The following PEAK1 variants were observed in gnomAD, a reference collection of about 807,000 sequenced individuals.
PEAK1 encodes pseudopodium enriched atypical kinase 1, also known as inactive tyrosine-protein kinase PEAK1.
A neutral mutation model predicts 124.7 loss-of-function variants in PEAK1; 54 were observed. That is an observed-to-expected ratio of 0.43 (90% CI 0.35 to 0.54). PEAK1 has a LOEUF of 0.54. PEAK1 is among the 20% of genes least tolerant of loss of function. The pLI is 0.01. For synonymous variants in PEAK1, 719 were observed against 760.0 expected (o/e 0.95, Z 0.89); for missense variants, 2,046 against 2,134.5 (o/e 0.96, Z 0.82).
intron 5 of PEAK1, among the ~76,000 whole-genome samples, chr15:77,264,322 T>C (rs1234887200): frequency 2.0e-5 from 3 of 152,160 alleles, no homozygotes; most frequent in African/African-American, 7.2e-5. Context: ...ATTGTCCCTG[T>C]TTGCAGATGA....
intron 1 of PEAK1, chr15:77,401,514 C>A: frequency 2.1e-6 from 2 of 971,012 alleles, no homozygotes; most frequent in Non-Finnish European, 2.4e-6. Context: ...ATAAGAAGAA[C>A]AATACTCACC....
At chr15:77,333,353 C>T in intron 2 of PEAK1, 1 of 983,438 alleles carries the variant, frequency 1.0e-6, no homozygotes, top group Non-Finnish European at 1.2e-6. Context: ...ATACAACCAA[C>T]ATGCTATCAA....
intron 2 of PEAK1, among the ~76,000 whole-genome samples, chr15:77,353,402 A>G (rs181379847): frequency 6.6e-6 from 1 of 152,326 alleles, no homozygotes; most frequent in Admixed American, 6.5e-5. Context: ...TGCTGACATA[A>G]CAAAAACCTA....
intron 2 of PEAK1, chr15:77,348,424 C>T (rs1386682474): frequency 1.1e-6 from 1 of 926,146 alleles, no homozygotes; most frequent in Non-Finnish European, 1.3e-6. Context: ...CTTTAAAAAA[C>T]AGCTGATTTT....
At chr15:77,366,920 G>A (rs2068284735) in intron 1 of PEAK1, among the ~76,000 whole-genome samples, 1 of 152,142 alleles carries the variant, frequency 6.6e-6, no homozygotes, top group African/African-American at 2.4e-5. Context: ...TGGATCATGA[G>A]GTCAGGAGAT....
At chr15:77,251,998 T>C (rs1453947082) in intron 6 of PEAK1, among the ~76,000 whole-genome samples, 1 of 152,244 alleles carries the variant, frequency 6.6e-6, no homozygotes, top group Admixed American at 6.5e-5. Flanking sequence ...GCCTGTTCAG[T>C]AAAGCTGTTT....
chr15:77,375,762 G>A (rs990105530), intron 1 of PEAK1, among the ~76,000 whole-genome samples: 4 of 152,138 alleles, frequency 2.6e-5, no homozygotes, highest in Non-Finnish European at 4.4e-5. Flanking sequence ...TTGGGAGGCC[G>A]AGGCGGGTGG....
chr15:77,419,631 A>C, intron 1 of PEAK1: 2 of 984,904 alleles, frequency 2.0e-6, no homozygotes, highest in Non-Finnish European at 2.4e-6. Context: ...CAGCTCCTCC[A>C]GGCTTCACTT....
chr15:77,141,739 T>C (rs906442984), intron 8 of PEAK1, among the ~76,000 whole-genome samples: 2 of 152,208 alleles, frequency 1.3e-5, no homozygotes, highest in Non-Finnish European at 2.9e-5. Flanking sequence ...TAAGGCCAAC[T>C]GATTTTTGAC....
intron 2 of PEAK1, among the ~76,000 whole-genome samples, chr15:77,288,442 C>T (rs766713128): frequency 6.6e-6 from 1 of 152,324 alleles, no homozygotes; most frequent in Admixed American, 6.5e-5. Context: ...ACCAAGCTCA[C>T]ATATCATTGC....
chr15:77,196,893 A>G (rs2058130789), intron 6 of PEAK1, among the ~76,000 whole-genome samples: 1 of 152,190 alleles, frequency 6.6e-6, no homozygotes, highest in South Asian at 2.1e-4. Flanking sequence ...TCTGTCACTC[A>G]GGCTGGAGTG....
intron 2 of PEAK1, among the ~76,000 whole-genome samples, chr15:77,294,384 G>T (rs78199111): frequency 2.0e-5 from 3 of 152,132 alleles, no homozygotes; most frequent in African/African-American, 7.2e-5. Flanking sequence ...TTGTATAGCA[G>T]TTTGACATCT....
chr15:77,378,192 A>ATATATATATATATATATATATATAT (rs2069186124), intron 1 of PEAK1, among the ~76,000 whole-genome samples: 1 of 129,108 alleles, frequency 7.7e-6, no homozygotes, highest in Non-Finnish European at 1.8e-5. Context: ...ACAATATTAT[A>ATATATATATATATATATATATATAT]TATATATATA....
At chr15:77,313,197 T>C (rs772985706) in intron 2 of PEAK1, among the ~76,000 whole-genome samples, 1 of 152,122 alleles carries the variant, frequency 6.6e-6, no homozygotes, top group Non-Finnish European at 1.5e-5. Context: ...ATATGGTTGA[T>C]ATGGGTATGT....
At chr15:77,385,167 C>T (rs2069821040) in intron 1 of PEAK1, among the ~76,000 whole-genome samples, 1 of 152,124 alleles carries the variant, frequency 6.6e-6, no homozygotes, top group Non-Finnish European at 1.5e-5. Flanking sequence ...ACACTAATTA[C>T]TATTACTCAG....
At chr15:77,144,341 T>C (rs1479581611) in intron 8 of PEAK1, among the ~76,000 whole-genome samples, 1 of 152,232 alleles carries the variant, frequency 6.6e-6, no homozygotes, top group Non-Finnish European at 1.5e-5. Context: ...CTAGCTCAAA[T>C]GGCACTTACC....
intron 2 of PEAK1, chr15:77,348,823 G>A (rs930230879): frequency 1.1e-5 from 8 of 735,850 alleles, no homozygotes; most frequent in Non-Finnish European, 1.3e-5. Context: ...GCAGGTGGGG[G>A]TAGAGTGGGG....
chr15:77,212,083 T>C (rs1222226453), intron 6 of PEAK1, among the ~76,000 whole-genome samples: 1 of 152,146 alleles, frequency 6.6e-6, no homozygotes, highest in African/African-American at 2.4e-5. Flanking sequence ...TATGAAGATG[T>C]TCTAGAAACT....
At chr15:77,175,930 A>T (rs1596472479) in intron 7 of PEAK1, among the ~76,000 whole-genome samples, 1 of 152,212 alleles carries the variant, frequency 6.6e-6, no homozygotes, top group Non-Finnish European at 1.5e-5. Flanking sequence ...GCCATAAAAA[A>T]TGATGAGTTC....
Sources: allele counts gnomAD v4.1 joint callset (sites outside exome capture counted in the v4.1 genomes callset), GRCh38; gene constraint gnomAD v4.1.1; transcripts MANE v1.5; gene names NCBI Gene and HGNC (gene_info 2026-07-23, HGNC 2026-07-21).